Variants in CSMD1 observed in about 807,000 individuals in gnomAD.
The protein encoded by CSMD1 is CUB and sushi domain-containing protein 1.
CSMD1 carries 213 observed loss-of-function variants against 417.5 expected under a neutral mutation model. That is an observed-to-expected ratio of 0.51 (90% CI 0.46 to 0.57). The LOEUF is 0.57. Ranked by LOEUF, CSMD1 falls within the 20% of genes least tolerant of loss-of-function variation. The pLI, the probability that CSMD1 is intolerant of heterozygous loss-of-function variation, is 0.00. For synonymous variants in CSMD1, 2,862 were observed against 1,736.8 expected (o/e 1.65, Z -16.11); for missense variants, 6,923 against 4,529.7 (o/e 1.53, Z -15.17).
chr8:4,365,439 A>C (rs906625608), intron 3 of CSMD1, among the ~76,000 whole-genome samples: 4 of 152,182 alleles, frequency 2.6e-5, no homozygotes, highest in Middle Eastern at 3.2e-3. Flanking sequence ...AATAAAAGAC[A>C]ACATTTCTTT....
intron 3 of CSMD1, among the ~76,000 whole-genome samples, chr8:4,032,358 A>T (rs1797392708): frequency 6.6e-6 from 1 of 152,228 alleles, no homozygotes; most frequent in Admixed American, 6.5e-5. Context: ...TCCTGCTTTT[A>T]TTCAGTGTTC....
At position 4,787,562 on chromosome 8, in the gene CSMD1, A is replaced by T. The variant is rs137964217; in HGVS notation, c.86-150004T>A. The T allele has an allele frequency of 9.6e-4, 1,403 of 1,459,696 alleles. 8 individuals carry two copies. The African/African-American group carries it at 0.013, about 14-fold the overall frequency. 90.4% of individuals were successfully genotyped at this position (1,459,696 alleles called of 1,614,324 possible). A position where few individuals can be genotyped will look rare whatever the true frequency, so the allele number is the denominator to read the frequency against. The stretch of plus-strand genomic sequence containing the variant: ...TGCCTTCACCAGAAAATGTGGGGAG[A>T]CAGCTTTCATTGCACCCCAGTGCGA... On this transcript the variant is annotated intron_variant, in intron 1 of 69. Coordinates refer to ENST00000635120, the MANE Select transcript of CSMD1 (RefSeq NM_033225.6).
At chr8:4,560,670 T>C (rs1302492798) in intron 2 of CSMD1, among the ~76,000 whole-genome samples, 1 of 152,184 alleles carries the variant, frequency 6.6e-6, no homozygotes, top group African/African-American at 2.4e-5. Flanking sequence ...AAAACAACCT[T>C]AACTCTTTAC....
intron 2 of CSMD1, among the ~76,000 whole-genome samples, chr8:4,506,264 G>T (rs1585178092): frequency 6.6e-6 from 1 of 152,144 alleles, no homozygotes; most frequent in East Asian, 1.9e-4. Flanking sequence ...ATGTGTTCCA[G>T]GAACAGACGG....
chr8:4,261,985 C>T (rs1803919897), intron 3 of CSMD1, among the ~76,000 whole-genome samples: 1 of 152,072 alleles, frequency 6.6e-6, no homozygotes, highest in East Asian at 1.9e-4. Context: ...CTGTCATTTC[C>T]TGGGAATGAG....
intron 1 of CSMD1, among the ~76,000 whole-genome samples, chr8:4,971,481 G>A (rs1810233630): frequency 1.3e-5 from 2 of 151,896 alleles, no homozygotes; most frequent in Admixed American, 6.6e-5. Flanking sequence ...GGTGGTATTT[G>A]CCATAATTAT....
intron 30 of CSMD1, among the ~76,000 whole-genome samples, chr8:3,206,108 A>T (rs1424864295): frequency 1.3e-5 from 2 of 152,160 alleles, no homozygotes; most frequent in African/African-American, 4.8e-5. Context: ...TTTCAGTAAA[A>T]GCAACATGCA....
intron 12 of CSMD1, among the ~76,000 whole-genome samples, chr8:3,433,627 G>C (rs1345993954): frequency 1.3e-5 from 2 of 152,046 alleles, no homozygotes; most frequent in Non-Finnish European, 2.9e-5. Flanking sequence ...TTTATGTCTT[G>C]GCCCATCAGA....
chr8:4,269,044 T>C (rs1804402800), intron 3 of CSMD1, among the ~76,000 whole-genome samples: 1 of 152,178 alleles, frequency 6.6e-6, no homozygotes, highest in Non-Finnish European at 1.5e-5. Context: ...TTCCAAGGTA[T>C]CATCTTCGTC....
At chr8:3,732,868 G>C (rs559469972) in intron 6 of CSMD1, among the ~76,000 whole-genome samples, 3 of 152,112 alleles carry the variant, frequency 2.0e-5, no homozygotes, top group Admixed American at 2.0e-4. Context: ...TTTTAAAAGA[G>C]ATCTATCTAT....
rs143312762 is a variant in CSMD1 at position 3,692,369 on chromosome 8, C to T, written c.1009+16045G>A. On this transcript the variant is annotated intron_variant, in intron 7 of 69. Coordinates refer to ENST00000635120, the MANE Select transcript of CSMD1 (RefSeq NM_033225.6). ...GAAACAGACTCAGGAAAGAGACTCG[C>T]TGCTTTCTGTGGAGCTTGTCACTTC... Among the ~76,000 whole-genome samples, 15 of 152,300 alleles carry T rather than the reference C, an allele frequency of 9.8e-5. No individual in the cohort carries two copies. In the Middle Eastern group the frequency reaches 0.017, roughly 174 times the overall value.
At chr8:4,752,409 A>G (rs1296320752) in intron 1 of CSMD1, among the ~76,000 whole-genome samples, 1 of 152,178 alleles carries the variant, frequency 6.6e-6, no homozygotes, top group African/African-American at 2.4e-5. Flanking sequence ...GGTCATAGGT[A>G]TGGACTGAAC....
intron 1 of CSMD1, among the ~76,000 whole-genome samples, chr8:4,769,066 C>A (rs959781012): frequency 6.6e-6 from 1 of 152,168 alleles, no homozygotes; most frequent in Non-Finnish European, 1.5e-5. Flanking sequence ...ATGTGTGAGG[C>A]AAACAGTTAA....
intron 27 of CSMD1, 83 bp downstream of exon 27, chr8:3,229,957 A>G: frequency 1.0e-6 from 1 of 970,428 alleles, no homozygotes; most frequent in Non-Finnish European, 1.5e-6. Context: ...ATTTCTGAAG[A>G]AATAATACAT....
At position 3,712,351 on chromosome 8, in the gene CSMD1, G is replaced by A. The variant is rs12681058; in HGVS notation, c.932-3860C>T. Among the ~76,000 whole-genome samples, 17 of 150,776 alleles carry A rather than the reference G, an allele frequency of 1.1e-4. No individual in the cohort carries two copies. In the East Asian group the frequency reaches 3.4e-3, roughly 30 times the overall value. On this transcript the variant is annotated intron_variant, in intron 6 of 69. Transcript: ENST00000635120. ...CTCCAACTGCCCTCAGAGCTGAGCA[G>A]AGATTTTCATTTGCAAAGAAACAGG...
At chr8:4,392,135 G>A (rs924160657) in intron 3 of CSMD1, among the ~76,000 whole-genome samples, 3 of 152,180 alleles carry the variant, frequency 2.0e-5, no homozygotes, top group Non-Finnish European at 2.9e-5. Flanking sequence ...GTCAAGTCCA[G>A]ATTGCTGACC....
chr8:3,991,661 C>A (rs531425803), intron 5 of CSMD1, among the ~76,000 whole-genome samples: 53 of 152,234 alleles, frequency 3.5e-4, no homozygotes, highest in African/African-American at 1.2e-3. Context: ...TGCACTAAGG[C>A]AGAAGGTTGC....
intron 6 of CSMD1, among the ~76,000 whole-genome samples, chr8:3,745,666 C>T (rs149010659): frequency 9.1e-4 from 138 of 152,248 alleles, no homozygotes; most frequent in African/African-American, 3.3e-3. Context: ...GGCATGAATC[C>T]CCGGGGAAGT....
intron 1 of CSMD1, among the ~76,000 whole-genome samples, chr8:4,883,959 G>A (rs374556667): frequency 6.6e-6 from 1 of 151,892 alleles, no homozygotes; most frequent in African/African-American, 2.4e-5. Flanking sequence ...AGCTGCCTAC[G>A]AGCCTTCCAA....
Sources: allele counts gnomAD v4.1 joint callset (sites outside exome capture counted in the v4.1 genomes callset), GRCh38; gene constraint gnomAD v4.1.1; transcripts MANE v1.5; gene names NCBI Gene and HGNC (gene_info 2026-07-23, HGNC 2026-07-21).